Variants in PDE4D observed in about 807,000 individuals in gnomAD.
The protein encoded by PDE4D is phosphodiesterase 4D.
A neutral mutation model predicts 87.4 loss-of-function variants in PDE4D; 24 were observed. The observed-to-expected ratio is 0.27, with a 90% CI of 0.20 to 0.39. PDE4D has a LOEUF of 0.39. Among genes scored for constraint, PDE4D ranks in the 10% least tolerant of loss-of-function variants. PDE4D has a pLI of 1.00. For synonymous variants in PDE4D, 384 were observed against 383.2 expected (o/e 1.00, Z -0.02); for missense variants, 714 against 1,041.0 (o/e 0.69, Z 4.32).
intron 3 of PDE4D, among the ~76,000 whole-genome samples, chr5:59,902,479 G>C (rs1011872420): frequency 2.0e-5 from 3 of 152,046 alleles, no homozygotes; most frequent in Non-Finnish European, 4.4e-5. Context: ...AAAATGGAAA[G>C]GTTATGCAAT....
chr5:60,152,455 C>T lies in PDE4D; in HGVS notation c.42+33102G>A, dbSNP rs187645018. Among the ~76,000 whole-genome samples, 477 of 152,054 alleles carry T rather than the reference C, an allele frequency of 3.1e-3. 2 individuals are homozygous for T. Among genetic ancestry groups the T allele is most frequent in the Non-Finnish European group, 5.5e-3 (371 of 67,974 alleles). On this transcript the variant is annotated intron_variant, in intron 2 of 16. Coordinates refer to the PDE4D transcript ENST00000502484. The stretch of plus-strand genomic sequence containing the variant: ...GATCACGAGGTCAGGAGATCGAGAC[C>T]ATCCTGCCTAACATGGTGAAACCCC...
At chr5:60,122,143 A>G (rs1358265117) in intron 2 of PDE4D, among the ~76,000 whole-genome samples, 1 of 152,148 alleles carries the variant, frequency 6.6e-6, no homozygotes, top group Non-Finnish European at 1.5e-5. Context: ...TGCAGGGTGC[A>G]GCCTCCCACT....
At position 59,476,315 on chromosome 5, in the gene PDE4D, T is replaced by A. The variant is rs113896360; in HGVS notation, c.456-260347A>T. On this transcript the variant is annotated intron_variant, in intron 1 of 14. Coordinates refer to ENST00000340635, the MANE Select transcript of PDE4D (RefSeq NM_001104631.2). ...GGAGAATTGACAATGTTCTATTTCC[T>A]GATCAGGATGGAGATTACATAGATG... Among the ~76,000 whole-genome samples, 11 of 152,230 alleles carry A rather than the reference T, an allele frequency of 7.2e-5. 2 individuals carry two copies. The highest frequency in any genetic ancestry group is 2.6e-4 in the African/African-American group (11 of 41,564).
In PDE4D at chr5:59,829,132, C is replaced by G. The variant is rs567004037; in HGVS notation, c.455+64036G>C. Among the ~76,000 whole-genome samples the G allele has an allele frequency of 3.6e-5, 5 of 140,546 alleles. No individual in the cohort carries two copies. In the South Asian group the frequency reaches 8.8e-4, roughly 25 times the overall value. 92.2% of individuals were successfully genotyped at this position (140,546 alleles called of 152,430 possible). A position where few individuals can be genotyped will look rare whatever the true frequency, so the allele number is the denominator to read the frequency against. On this transcript the variant is annotated intron_variant, in intron 1 of 14. Coordinates refer to ENST00000340635, the MANE Select transcript of PDE4D (RefSeq NM_001104631.2). The stretch of plus-strand genomic sequence containing the variant: ...TAAGCATATAGTCCCAGAAAGACAT[C>G]ATATACTTATCTACACACACACACA...
At chr5:60,381,035 C>T (rs1761822472) in intron 1 of PDE4D, among the ~76,000 whole-genome samples, 1 of 152,184 alleles carries the variant, frequency 6.6e-6, no homozygotes, top group African/African-American at 2.4e-5. Context: ...TGAACTTAGG[C>T]CAGCTCCTGA....
At chr5:59,683,586 C>A (rs1239961982) in intron 1 of PDE4D, among the ~76,000 whole-genome samples, 3 of 152,090 alleles carry the variant, frequency 2.0e-5, no homozygotes, top group Non-Finnish European at 4.4e-5. Context: ...GTCTTTATAA[C>A]CACACTGTAC....
intron 1 of PDE4D, among the ~76,000 whole-genome samples, chr5:60,501,100 T>C: frequency 6.6e-6 from 1 of 152,090 alleles, no homozygotes; most frequent in East Asian, 1.9e-4. Flanking sequence ...GCTGCACCCA[T>C]TAACTCATCA....
intron 5 of PDE4D, among the ~76,000 whole-genome samples, chr5:59,111,775 C>G (rs566689417): frequency 6.6e-6 from 1 of 152,130 alleles, no homozygotes; most frequent in Non-Finnish European, 1.5e-5. Flanking sequence ...AAACAAGGCT[C>G]TTAATGGGAA....
intron 3 of PDE4D, among the ~76,000 whole-genome samples, chr5:59,899,010 C>T (rs972567987): frequency 4.6e-5 from 7 of 152,102 alleles, no homozygotes; most frequent in African/African-American, 1.7e-4. Flanking sequence ...AACATTTCCA[C>T]TGTTACAGGA....
chr5:59,053,449 A>G (rs970264220), intron 5 of PDE4D, among the ~76,000 whole-genome samples: 6 of 151,812 alleles, frequency 4.0e-5, no homozygotes, highest in Non-Finnish European at 7.4e-5. Context: ...TGTAATGTGT[A>G]GACATTTTTA....
chr5:59,458,170 A>G (rs961343657), intron 1 of PDE4D, among the ~76,000 whole-genome samples: 1 of 152,222 alleles, frequency 6.6e-6, no homozygotes, highest in Non-Finnish European at 1.5e-5. Flanking sequence ...TTCTTTTACT[A>G]TTTATGCACT....
chr5:59,823,306 T>TCC (rs1308770003), intron 1 of PDE4D, among the ~76,000 whole-genome samples: 4 of 152,166 alleles, frequency 2.6e-5, no homozygotes, highest in African/African-American at 9.6e-5. Context: ...TAAAGCAATT[T>TCC]CCCCCACATT....
At chr5:59,457,256 T>G (rs373687854) in intron 1 of PDE4D, among the ~76,000 whole-genome samples, 46 of 152,336 alleles carry the variant, frequency 3.0e-4, no homozygotes, top group African/African-American at 1.1e-3. Context: ...GATCAATCAG[T>G]AGCCATCAAC....
chr5:60,429,645 C>T (rs185845183), intron 1 of PDE4D, among the ~76,000 whole-genome samples: 89 of 152,146 alleles, frequency 5.8e-4, no homozygotes, highest in African/African-American at 2.1e-3. Context: ...TCCTTCAATG[C>T]CTAGTTTTTT....
At chr5:59,494,918 A>C (rs909801629) in intron 1 of PDE4D, among the ~76,000 whole-genome samples, 1 of 152,194 alleles carries the variant, frequency 6.6e-6, no homozygotes, top group African/African-American at 2.4e-5. Flanking sequence ...GAAAAAAAGC[A>C]AGAAAAGAAA....
intron 1 of PDE4D, among the ~76,000 whole-genome samples, chr5:60,455,378 C>A (rs149907583): frequency 0.021 from 3,168 of 151,992 alleles, 69 homozygotes; most frequent in Middle Eastern, 0.051. Context: ...CAATAATATA[C>A]CTTAGAGAGA....
intron 1 of PDE4D, among the ~76,000 whole-genome samples, chr5:59,875,033 C>T (rs1009801027): frequency 6.6e-6 from 1 of 152,094 alleles, no homozygotes; most frequent in Non-Finnish European, 1.5e-5. Flanking sequence ...CTTCTCTTTC[C>T]ATATATTAAT....
intron 1 of PDE4D, among the ~76,000 whole-genome samples, chr5:59,858,262 T>A (rs1745749820): frequency 6.6e-6 from 1 of 151,978 alleles, no homozygotes; most frequent in African/African-American, 2.4e-5. Context: ...CTCTCATAGT[T>A]CAAGTCTCAA....
At chr5:59,281,353 G>A (rs781507434) in intron 1 of PDE4D, among the ~76,000 whole-genome samples, 26 of 151,868 alleles carry the variant, frequency 1.7e-4, no homozygotes, top group Non-Finnish European at 3.5e-4. Context: ...ACTAATTATT[G>A]GTTTGAGTGA....
Sources: allele counts gnomAD v4.1 joint callset (sites outside exome capture counted in the v4.1 genomes callset), GRCh38; gene constraint gnomAD v4.1.1; transcripts MANE v1.5; gene names NCBI Gene and HGNC (gene_info 2026-07-23, HGNC 2026-07-21).